Variants in DOK5 observed in about 807,000 individuals in gnomAD.
DOK5 encodes the protein downstream of tyrosine kinase 5.
Under a neutral mutation model 43.3 loss-of-function variants are expected in DOK5, and 27 were observed. The ratio of observed to expected loss-of-function variants is 0.62; its 90% CI spans 0.46 to 0.86. The LOEUF is 0.86. Ranked by LOEUF, DOK5 falls within the 40% of genes least tolerant of loss-of-function variation. The pLI, the probability that DOK5 is intolerant of heterozygous loss-of-function variation, is 0.00. For missense variants in DOK5, 373 were observed against 392.9 expected (o/e 0.95, Z 0.43); for synonymous variants, 146 against 140.1 (o/e 1.04, Z -0.30).
chr20:54,529,760 C>T (rs1054625423), intron 1 of DOK5, among the ~76,000 whole-genome samples: 1 of 152,252 alleles, frequency 6.6e-6, no homozygotes, highest in Non-Finnish European at 1.5e-5. Flanking sequence ...AACCACAAAT[C>T]CACTTTCTGT....
chr20:54,503,574 C>T (rs1011181800), intron 1 of DOK5, among the ~76,000 whole-genome samples: 1 of 152,070 alleles, frequency 6.6e-6, no homozygotes, highest in African/African-American at 2.4e-5. Flanking sequence ...CTTACTACTT[C>T]ACTAAAATAA....
intron 1 of DOK5, among the ~76,000 whole-genome samples, chr20:54,505,462 T>A (rs1315674073): frequency 6.6e-6 from 1 of 152,096 alleles, no homozygotes; most frequent in East Asian, 1.9e-4. Context: ...TCCCAAATGT[T>A]TATGGGCTGC....
intron 1 of DOK5, among the ~76,000 whole-genome samples, chr20:54,495,487 A>G (rs1023612047): frequency 6.6e-6 from 1 of 152,228 alleles, no homozygotes; most frequent in Non-Finnish European, 1.5e-5. Flanking sequence ...ATTTTTTCTC[A>G]TAACTGTCAA....
At chr20:54,607,692 G>T (rs1353217065) in intron 5 of DOK5, among the ~76,000 whole-genome samples, 5 of 151,676 alleles carry the variant, frequency 3.3e-5, no homozygotes, top group Non-Finnish European at 5.9e-5. Context: ...CGAGACCAGC[G>T]GCCAAAATGG....
chr20:54,490,948 A>T (rs1489655525), intron 1 of DOK5, among the ~76,000 whole-genome samples: 2 of 151,202 alleles, frequency 1.3e-5, no homozygotes, highest in African/African-American at 2.4e-5. Context: ...CAAATGGTGA[A>T]CTCTTTTCCG....
At chr20:54,647,913 T>G (rs531027527) in intron 7 of DOK5, among the ~76,000 whole-genome samples, 84 of 152,322 alleles carry the variant, frequency 5.5e-4, no homozygotes, top group Non-Finnish European at 1.0e-3. Context: ...ACCAGTGCAG[T>G]GCTGAAATCT....
At chr20:54,635,947 G>C (rs535526877) in intron 6 of DOK5, among the ~76,000 whole-genome samples, 23 of 152,256 alleles carry the variant, frequency 1.5e-4, no homozygotes, top group Admixed American at 9.8e-4. Flanking sequence ...ACTTCTTATA[G>C]TTCTAGAGGC....
chr20:54,591,745 C>T lies in DOK5; in HGVS notation c.539C>T (p.Pro180Leu), dbSNP rs774753199. 4 of 1,614,202 alleles carry T rather than the reference C, an allele frequency of 2.5e-6. No homozygotes were observed. The highest frequency in any genetic ancestry group is 2.7e-5 in the African/African-American group (2 of 75,060). ...CCCAGAGTCAAACTCATCTCTTGGC[C>T]GCTAAGCGCCCTGCGGCGGTATGGA... ...QNPRVKLISW[P>L]LSALRRYGRD... Residue 180 changes from proline (P) to leucine (L), a missense_variant, in exon 5 of 8, where the codon CCG becomes CTG. By Grantham distance (98) the Pro-to-Leu change is moderately conservative. Coordinates refer to ENST00000262593, the MANE Select transcript of DOK5 (RefSeq NM_018431.5).
At chr20:54,587,936 G>T (rs1336250224) in intron 2 of DOK5, among the ~76,000 whole-genome samples, 1 of 152,160 alleles carries the variant, frequency 6.6e-6, no homozygotes, top group Non-Finnish European at 1.5e-5. Context: ...CAAGTCAGGG[G>T]TCGTTTCTGA....
intron 5 of DOK5, among the ~76,000 whole-genome samples, chr20:54,598,294 G>T (rs1298141016): frequency 6.6e-6 from 1 of 152,102 alleles, no homozygotes; most frequent in Non-Finnish European, 1.5e-5. Context: ...GGGGGCTAAT[G>T]GACATATTGC....
intron 1 of DOK5, among the ~76,000 whole-genome samples, chr20:54,525,452 A>G (rs574550924): frequency 9.8e-5 from 15 of 152,340 alleles, no homozygotes; most frequent in African/African-American, 2.6e-4. Flanking sequence ...AGCAAGTAAC[A>G]TATGGTGCTT....
intron 1 of DOK5, among the ~76,000 whole-genome samples, chr20:54,498,610 T>G (rs1304031126): frequency 1.3e-5 from 2 of 152,240 alleles, no homozygotes; most frequent in African/African-American, 2.4e-5. Flanking sequence ...TTACTTTTAA[T>G]TTTTGTCACA....
At chr20:54,634,332 A>G (rs147603859) in intron 6 of DOK5, among the ~76,000 whole-genome samples, 2 of 145,234 alleles carry the variant, frequency 1.4e-5, no homozygotes, top group Non-Finnish European at 3.0e-5. Flanking sequence ...GGGCGGGGGC[A>G]GGGGACCATG....
chr20:54,475,810 C>T lies in DOK5; in HGVS notation c.-137C>T. ...AAGTGATGTGCGCCTTCTAAAGCCT[C>T]GCCCAGCGCCGCCGAAGCAGCTTCA... On this transcript the variant is annotated 5_prime_UTR_variant, in exon 1 of 8. Coordinates refer to ENST00000262593, the MANE Select transcript of DOK5 (RefSeq NM_018431.5). The surrounding 1 kb of genome is among the most constrained non-coding windows in gnomAD (Gnocchi z 4.2). The T allele has an allele frequency of 9.7e-7, 1 of 1,032,478 alleles. No individual in the cohort carries two copies. Among genetic ancestry groups the T allele is most frequent in the Non-Finnish European group, 1.4e-6 (1 of 696,184 alleles). The allele number at this position is 1,032,478 out of a possible 1,614,324, so 64.0% of individuals were successfully genotyped here.
At chr20:54,644,710 A>ACAAAAAAAAAAAAAAC in intron 7 of DOK5, among the ~76,000 whole-genome samples, 2 of 102,272 alleles carry the variant, frequency 2.0e-5, no homozygotes, top group South Asian at 8.6e-4. Flanking sequence ...CGTCTCAAAA[A>ACAAAAAAAAAAAAAAC]AAAAAAAAAA....
intron 6 of DOK5, among the ~76,000 whole-genome samples, chr20:54,628,936 T>C (rs1308006629): frequency 6.6e-6 from 1 of 152,232 alleles, no homozygotes; most frequent in Non-Finnish European, 1.5e-5. Context: ...TCATTCTTTT[T>C]TAAGGGAGAC....
chr20:54,571,731 C>T (rs548430744), intron 2 of DOK5, among the ~76,000 whole-genome samples: 12 of 152,296 alleles, frequency 7.9e-5, no homozygotes, highest in Admixed American at 2.6e-4. Flanking sequence ...CTGCTTAAGC[C>T]TTTTAATTTG....
chr20:54,583,986 A>G (rs1228389706), intron 2 of DOK5, among the ~76,000 whole-genome samples: 1 of 108,404 alleles, frequency 9.2e-6, no homozygotes, highest in Non-Finnish European at 1.6e-5. Flanking sequence ...CTAAAAATAC[A>G]AAAAAAAAAA....
chr20:54,556,148 C>T (rs771292709), intron 2 of DOK5, among the ~76,000 whole-genome samples: 2 of 152,156 alleles, frequency 1.3e-5, no homozygotes, highest in Non-Finnish European at 1.5e-5. Context: ...GCTTTTGAGA[C>T]AGGTAGAGAA....
Sources: allele counts gnomAD v4.1 joint callset (sites outside exome capture counted in the v4.1 genomes callset), GRCh38; gene constraint gnomAD v4.1.1; non-coding constraint Gnocchi (gnomAD v3.1); transcripts MANE v1.5; gene names NCBI Gene and HGNC (gene_info 2026-07-23, HGNC 2026-07-21).